IFNL1: variants seen among roughly 807,000 people sequenced by gnomAD.
IFNL1 encodes the protein interferon lambda 1.
Under a neutral mutation model 17.1 loss-of-function variants are expected in IFNL1, and 16 were observed. The observed-to-expected ratio is 0.93, with a 90% CI of 0.63 to 1.42. The LOEUF is 1.42. IFNL1 is among the 40% of genes most tolerant of loss of function. The pLI, the probability that IFNL1 is intolerant of heterozygous loss-of-function variation, is 0.00. For missense variants in IFNL1, 262 were observed against 249.4 expected, an observed-to-expected ratio of 1.05 and a Z score of -0.34; for synonymous variants, 104 against 111.4, an observed-to-expected ratio of 0.93 and a Z score of 0.42.
rs772112795 is a variant in IFNL1 at position 39,296,545 on chromosome 19, C to G, written c.124C>G (p.Leu42Val). 4 of 1,613,836 alleles carry G rather than the reference C, an allele frequency of 2.5e-6. No individual in the cohort carries two copies. The African/African-American group carries it at 5.3e-5, about 22-fold the overall frequency. ...KGCHIGRFKS[L>V]SPQELASFKK... is the part of the protein sequence containing the mutation. ...CTGCCACATTGGCAGGTTCAAATCT[C>G]TGTCACCACAGGAGCTAGCGAGCTT... The change falls in exon 1 of 5, where the codon CTG becomes GTG. Residue 42 changes from leucine (L) to valine (V), a missense_variant. Transcript: ENST00000333625.
Position 39,296,663 on chromosome 19 carries a change from G to C in IFNL1, c.171+71G>C, listed in dbSNP as rs150434011. 2.4e-5 allele frequency: 37 copies of C among 1,519,978 alleles called. No individual in the cohort carries two copies. The Middle Eastern group carries it at 5.3e-4, about 22-fold the overall frequency. The allele number at this position is 1,519,978 out of a possible 1,614,324, so 94.2% of individuals were successfully genotyped here. A position where few individuals can be genotyped will look rare whatever the true frequency, so the allele number is the denominator to read the frequency against. On this transcript the variant is annotated intron_variant, in intron 1 of 4. Transcript: ENST00000333625. ...ATTACTGCCCTTCTACTGTGGGCTA[G>C]CCTCTAGCCTTCCAACTATGGCAAA...
intron 2 of IFNL1, among the ~76,000 whole-genome samples, 184 bp from the exon 3 acceptor site, chr19:39,297,780 C>A: frequency 6.6e-6 from 1 of 151,496 alleles, no homozygotes; most frequent in East Asian, 2.0e-4. Flanking sequence ...GCCTCCTTGA[C>A]CATCCTGCCT....
At chr19:39,297,864 G>A (rs1009124372) in intron 2 of IFNL1, 100 bp from the exon 3 acceptor site, 3 of 1,434,662 alleles carry the variant, frequency 2.1e-6, no homozygotes, top group South Asian at 1.2e-5. Context: ...CCCACCACAT[G>A]CACTGTGTCA....
intron 1 of IFNL1, 35 bp from the exon 2 acceptor site, chr19:39,296,770 C>CCTG: frequency 6.3e-7 from 1 of 1,588,714 alleles, no homozygotes; most frequent in Non-Finnish European, 8.6e-7. Flanking sequence ...TTCCAGCCAT[C>CCTG]CTGCTGTGGG....
chr19:39,296,855 C>A lies in IFNL1; in HGVS notation c.222C>A (p.Pro74=), dbSNP rs1440113418. The A allele has an allele frequency of 6.2e-7, 1 of 1,613,962 alleles. No individual in the cohort carries two copies. The highest frequency in any genetic ancestry group is 8.5e-7 in the Non-Finnish European group (1 of 1,179,958). ...KNWSCSSPVF[P]GNWDLRLLQV... is the part of the protein sequence containing the mutation. ...GGAGTTGCAGCTCTCCTGTCTTCCC[C>A]GGGAATTGGGACCTGAGGCTTCTCC... Residue 74 remains proline (P), a synonymous_variant, in exon 2 of 5, where the codon CCC becomes CCA. Transcript: ENST00000333625.
In IFNL1 at chr19:39,296,412, C is replaced by A; in HGVS notation, c.-10C>A. On this transcript the variant is annotated 5_prime_UTR_variant, in exon 1 of 5. Coordinates refer to ENST00000333625, the MANE Select transcript of IFNL1 (RefSeq NM_172140.2). ...AGCCATGCCGCTGGGGAAGCAGTTGCGATTTAGCCATGGCTGCAGCTTGGA... is the reference window on the plus strand; with the variant it reads ...AGCCATGCCGCTGGGGAAGCAGTTGAGATTTAGCCATGGCTGCAGCTTGGA... 6.2e-7 allele frequency: 1 copy of A among 1,605,844 alleles called. No individual in the cohort carries two copies. The highest frequency in any genetic ancestry group is 1.1e-5 in the South Asian group (1 of 89,964).
Position 39,296,462 on chromosome 19 carries a change from T to C in IFNL1, c.41T>C (p.Leu14Pro). 6.2e-7 allele frequency: 1 copy of C among 1,612,232 alleles called. No individual in the cohort carries two copies. Among genetic ancestry groups the C allele is most frequent in the Non-Finnish European group, 8.5e-7 (1 of 1,179,874 alleles). ...AWTVVLVTLV[L>P]GLAVAGPVPT... Reference sequence around the variant, plus strand: ...ACCGTGGTGCTGGTGACTTTGGTGCTAGGCTTGGCCGTGGCAGGCCCTGTC... The same window carrying C: ...ACCGTGGTGCTGGTGACTTTGGTGCCAGGCTTGGCCGTGGCAGGCCCTGTC... The change falls in exon 1 of 5, where the codon CTA becomes CCA. Residue 14 changes from leucine (L) to proline (P), a missense_variant. Leu to Pro is a moderately conservative substitution (Grantham distance 98). Transcript: ENST00000333625.
chr19:39,298,282 G>A lies in IFNL1; in HGVS notation c.463G>A (p.Glu155Lys). 6.2e-7 allele frequency: 1 copy of A among 1,614,162 alleles called. No individual in the cohort carries two copies. The highest frequency in any genetic ancestry group is 1.1e-5 in the South Asian group (1 of 91,082). Reference protein sequence around the residue: ...RLHHWLHRLQEAPKKESAGCL... With the variant: ...RLHHWLHRLQKAPKKESAGCL... ...CCACCACTGGCTGCACCGGCTCCAG[G>A]AGGCCCCCAAAAAGGTGAGTGACCC... Residue 155 changes from glutamate (E) to lysine (K), a missense_variant, in exon 4 of 5, where the codon GAG becomes AAG. By Grantham distance (56) the Glu-to-Lys change is moderately conservative. Transcript: ENST00000333625.
At chr19:39,296,690 C>A in intron 1 of IFNL1, 98 bp downstream of exon 1, 2 of 1,490,976 alleles carry the variant, frequency 1.3e-6, no homozygotes, top group Non-Finnish European at 1.8e-6. Flanking sequence ...TATGGCAAAC[C>A]TCTATCCTTT....
At chr19:39,297,535 G>T (rs556839314) in intron 2 of IFNL1, among the ~76,000 whole-genome samples, 1 of 151,798 alleles carries the variant, frequency 6.6e-6, no homozygotes, top group Non-Finnish European at 1.5e-5. Flanking sequence ...GCCAGGCTTG[G>T]TCTCGAAATC....
intron 2 of IFNL1, among the ~76,000 whole-genome samples, chr19:39,297,246 C>G (rs780983781): frequency 2.0e-5 from 3 of 151,854 alleles, no homozygotes; most frequent in Non-Finnish European, 2.9e-5. Flanking sequence ...GCCTCTGTCA[C>G]CTGTCCCTCA....
intron 3 of IFNL1, 46 bp from the exon 4 acceptor site, chr19:39,298,167 T>C (rs1171214453): frequency 1.9e-6 from 3 of 1,613,440 alleles, no homozygotes; most frequent in Non-Finnish European, 2.5e-6. Context: ...CCTTCCCCTG[T>C]GGTGGCCCAG....
At chr19:39,296,730 C>A in intron 1 of IFNL1, 75 bp from the exon 2 acceptor site, 2 of 1,505,892 alleles carry the variant, frequency 1.3e-6, no homozygotes, top group African/African-American at 2.7e-5. Context: ...TGCTGTCAGG[C>A]CAACTTCATC....
At chr19:39,298,164 C>T in intron 3 of IFNL1, 49 bp from the exon 4 acceptor site, 1 of 1,613,324 alleles carries the variant, frequency 6.2e-7, no homozygotes. Context: ...CATCCTTCCC[C>T]TGTGGTGGCC....
At position 39,297,984 on chromosome 19, in the gene IFNL1, C is replaced by G; in HGVS notation, c.270C>G (p.Ala90=). Residue 90 remains alanine, a synonymous_variant, in exon 3 of 5, where the codon GCC becomes GCG. Transcript: ENST00000333625. Reference sequence around the variant, plus strand: ...CTCAGGTGAGGGAGCGCCCTGTGGCCTTGGAGGCTGAGCTGGCCCTGACGC... The same window carrying G: ...CTCAGGTGAGGGAGCGCCCTGTGGCGTTGGAGGCTGAGCTGGCCCTGACGC... ...RLLQVRERPV[A]LEAELALTLK... 1.2e-6 allele frequency: 2 copies of G among 1,614,190 alleles called. No individual in the cohort carries two copies. The highest frequency in any genetic ancestry group is 1.7e-6 in the Non-Finnish European group (2 of 1,180,036).
chr19:39,298,278 C>T lies in IFNL1; in HGVS notation c.459C>T (p.Leu153=). The change falls in exon 4 of 5, where the codon CTC becomes CTT. Residue 153 remains leucine (L), a synonymous_variant. Coordinates refer to ENST00000333625, the MANE Select transcript of IFNL1 (RefSeq NM_172140.2). ...RGRLHHWLHR[L]QEAPKKESAG... is the part of the protein sequence containing the mutation. Reference sequence around the variant, plus strand: ...GCCTCCACCACTGGCTGCACCGGCTCCAGGAGGCCCCCAAAAAGGTGAGTG... The same window carrying T: ...GCCTCCACCACTGGCTGCACCGGCTTCAGGAGGCCCCCAAAAAGGTGAGTG... 6.2e-7 allele frequency: 1 copy of T among 1,614,138 alleles called. No individual in the cohort carries two copies. Among genetic ancestry groups the T allele is most frequent in the East Asian group, 2.2e-5 (1 of 44,870 alleles).
At chr19:39,298,328 C>T (rs557484159) in intron 4 of IFNL1, 32 bp downstream of exon 4, 3 of 1,614,064 alleles carry the variant, frequency 1.9e-6, no homozygotes, top group African/African-American at 2.7e-5. Context: ...GGACCAGGGT[C>T]TGGGGAGCCA....
intron 1 of IFNL1, 86 bp downstream of exon 1, chr19:39,296,678 A>G: frequency 1.3e-6 from 2 of 1,497,196 alleles, no homozygotes. Context: ...TAGCCTTCCA[A>G]CTATGGCAAA....
In IFNL1 at chr19:39,297,968, G is replaced by A. The variant is rs141353728; in HGVS notation, c.254G>A (p.Arg85Lys). 4 of 1,614,162 alleles carry A rather than the reference G, an allele frequency of 2.5e-6. No homozygotes were observed. The Middle Eastern group carries it at 4.9e-4, about 200-fold the overall frequency. ...CTCTTTCTCACCTCTCCTCAGGTGAGGGAGCGCCCTGTGGCCTTGGAGGCT... is the reference window on the plus strand; with the variant it reads ...CTCTTTCTCACCTCTCCTCAGGTGAAGGAGCGCCCTGTGGCCTTGGAGGCT... ...GNWDLRLLQVRERPVALEAEL... is the reference protein window; with the variant it reads ...GNWDLRLLQVKERPVALEAEL... Residue 85 changes from arginine (R) to lysine (K), a missense_variant, in exon 3 of 5, where the codon AGG (arginine) becomes AAG (lysine). Arg to Lys is a conservative substitution (Grantham distance 26). Transcript: ENST00000333625.
Sources: gnomAD v4.1 joint callset for allele counts (sites outside exome capture counted in the v4.1 genomes callset) on GRCh38, gnomAD v4.1.1 for gene constraint, MANE v1.5 for transcripts, NCBI Gene and HGNC (gene_info 2026-07-23, HGNC 2026-07-21) for gene names.